CYP7B1: variants seen among roughly 807,000 people sequenced by gnomAD.
The protein encoded by CYP7B1 is cytochrome P450 7B1.
A neutral mutation model predicts 42.7 loss-of-function variants in CYP7B1; 29 were observed. The observed-to-expected ratio is 0.68, with a 90% confidence interval of 0.51 to 0.93. The LOEUF is 0.93. CYP7B1 is among the 40% of genes least tolerant of loss of function. CYP7B1 has a pLI of 0.00. For synonymous variants in CYP7B1, 235 were observed against 218.2 expected, an observed-to-expected ratio of 1.08 and a Z score of -0.68; for missense variants, 655 against 600.5, an observed-to-expected ratio of 1.09 and a Z score of -0.95.
chr8:64,676,926 C>T (rs770031452), intron 1 of CYP7B1, among the ~76,000 whole-genome samples: 8 of 152,052 alleles, frequency 5.3e-5, no homozygotes, highest in African/African-American at 1.2e-4. Flanking sequence ...TTTATTGACA[C>T]CCCTAAACAG....
chr8:64,761,520 C>A (rs1039162275), intron 1 of CYP7B1, among the ~76,000 whole-genome samples: 1 of 152,022 alleles, frequency 6.6e-6, no homozygotes, highest in Non-Finnish European at 1.5e-5. Context: ...AAAATGAACA[C>A]TCATTTCCTC....
chr8:64,643,619 G>T (rs1335692653), intron 1 of CYP7B1, among the ~76,000 whole-genome samples: 1 of 152,136 alleles, frequency 6.6e-6, no homozygotes, highest in Non-Finnish European at 1.5e-5. Flanking sequence ...TTTCATGAAA[G>T]ATTTCTCTGT....
At chr8:64,746,317 T>C (rs1430037162) in intron 1 of CYP7B1, among the ~76,000 whole-genome samples, 1 of 152,160 alleles carries the variant, frequency 6.6e-6, no homozygotes, top group Non-Finnish European at 1.5e-5. Flanking sequence ...TTAAGGTTAC[T>C]TTAAAAGGAA....
chr8:64,700,880 ACTATTTAGACAT>A (rs1458725098), intron 1 of CYP7B1, among the ~76,000 whole-genome samples: 1 of 152,024 alleles, frequency 6.6e-6, no homozygotes, highest in East Asian at 1.9e-4. Context: ...TGAAGCCACC[ACTATTTAGACAT>A]CAATATGCTC....
chr8:64,670,986 T>C (rs965815701), intron 1 of CYP7B1, among the ~76,000 whole-genome samples: 4 of 152,132 alleles, frequency 2.6e-5, no homozygotes, highest in Admixed American at 6.5e-5. Flanking sequence ...ACCTGGGTCA[T>C]AGACACAAGG....
chr8:64,673,868 A>G lies in CYP7B1; in HGVS notation c.123-49329T>C, dbSNP rs566794311. Among the ~76,000 whole-genome samples the G allele has an allele frequency of 2.0e-5, 3 of 152,248 alleles. No homozygotes were observed. In the East Asian group the frequency reaches 5.8e-4, roughly 29 times the overall value. On this transcript the variant is annotated intron_variant, in intron 1 of 5. Coordinates refer to ENST00000310193, the MANE Select transcript of CYP7B1 (RefSeq NM_004820.5). ...GACCTTTCAGAAAATAAATAGCCAC[A>G]GGTTTAAAGGATGAGAGATGAGTGA... is the stretch of plus-strand genomic sequence containing the variant.
At chr8:64,657,822 AAC>A (rs1464109006) in intron 1 of CYP7B1, among the ~76,000 whole-genome samples, 1 of 152,216 alleles carries the variant, frequency 6.6e-6, no homozygotes, top group Non-Finnish European at 1.5e-5. Flanking sequence ...TGACAAAAAT[AAC>A]AGTGTAAGCT....
rs142119758 is a variant in CYP7B1 at position 64,592,880 on chromosome 8, C to T, written c.*3762G>A. Among the ~76,000 whole-genome samples, 8 of 152,278 alleles carry T rather than the reference C, an allele frequency of 5.3e-5. No individual in the cohort carries two copies. The East Asian group carries it at 1.2e-3, about 22-fold the overall frequency. ...CATCTTTTAACTGATTTGTCCAGGA[C>T]ATGTTTTTCTATTTGTAAATACTAT... is the stretch of plus-strand genomic sequence containing the variant. On this transcript the variant is annotated 3_prime_UTR_variant, in exon 6 of 6. Coordinates refer to ENST00000310193, the MANE Select transcript of CYP7B1 (RefSeq NM_004820.5).
At chr8:64,604,054 T>C (rs1231652347) in intron 5 of CYP7B1, among the ~76,000 whole-genome samples, 1 of 152,134 alleles carries the variant, frequency 6.6e-6, no homozygotes, top group Non-Finnish European at 1.5e-5. Context: ...TGAACCAGGG[T>C]GGATTAATTT....
intron 1 of CYP7B1, among the ~76,000 whole-genome samples, chr8:64,677,547 T>C (rs1806467328): frequency 6.6e-6 from 1 of 151,116 alleles, no homozygotes; most frequent in Non-Finnish European, 1.5e-5. Context: ...TACCAGAACA[T>C]TCTCAAGCAA....
chr8:64,638,514 T>TC (rs1449301607), intron 1 of CYP7B1, among the ~76,000 whole-genome samples: 1 of 152,134 alleles, frequency 6.6e-6, no homozygotes, highest in Non-Finnish European at 1.5e-5. Context: ...GTTGCTGAAG[T>TC]CATTTGGAGT....
At chr8:64,733,890 A>G (rs1380038298) in intron 1 of CYP7B1, among the ~76,000 whole-genome samples, 1 of 152,092 alleles carries the variant, frequency 6.6e-6, no homozygotes, top group Non-Finnish European at 1.5e-5. Flanking sequence ...GGATTGCTTG[A>G]GCCCAGGAGT....
In CYP7B1 at chr8:64,760,653, T is replaced by A. The variant is rs146410804; in HGVS notation, c.122+37813A>T. ...TGCAAATCAAAACCATAATGAGATA[T>A]CACCTCACACTTGATAGGATGACTA... On this transcript the variant is annotated intron_variant, in intron 1 of 5. Coordinates refer to ENST00000310193, the MANE Select transcript of CYP7B1 (RefSeq NM_004820.5). Among the ~76,000 whole-genome samples the A allele has an allele frequency of 2.2e-3, 329 of 152,094 alleles. 1 individual carries two copies. Among genetic ancestry groups the A allele is most frequent in the African/African-American group, 7.4e-3 (307 of 41,520 alleles).
At chr8:64,705,176 G>A (rs570983630) in intron 1 of CYP7B1, among the ~76,000 whole-genome samples, 14 of 151,882 alleles carry the variant, frequency 9.2e-5, no homozygotes, top group Admixed American at 7.2e-4. Flanking sequence ...GATATGTTAG[G>A]GCGGTAAAAA....
At chr8:64,778,174 A>AAT (rs60859854) in intron 1 of CYP7B1, among the ~76,000 whole-genome samples, 39,501 of 133,010 alleles carry the variant, frequency 0.3, 6,981 homozygotes, top group Middle Eastern at 0.4. Flanking sequence ...ACTAGTTTGA[A>AAT]ATATATATAT....
At chr8:64,795,972 T>G (rs1563431633) in intron 1 of CYP7B1, among the ~76,000 whole-genome samples, 1 of 152,250 alleles carries the variant, frequency 6.6e-6, no homozygotes, top group Non-Finnish European at 1.5e-5. Flanking sequence ...GTTAAAAATT[T>G]TTTTACCATT....
At chr8:64,644,251 G>A (rs1480981705) in intron 1 of CYP7B1, among the ~76,000 whole-genome samples, 7 of 148,602 alleles carry the variant, frequency 4.7e-5, no homozygotes, top group South Asian at 2.1e-4. Flanking sequence ...CAGCCTGGGC[G>A]ACAGAGTGGG....
At chr8:64,756,576 C>T (rs1329136600) in intron 1 of CYP7B1, among the ~76,000 whole-genome samples, 2 of 152,180 alleles carry the variant, frequency 1.3e-5, no homozygotes. Flanking sequence ...ACAGAAAGAA[C>T]AAGGCACGGC....
chr8:64,716,688 CAG>C (rs775196637), intron 1 of CYP7B1, among the ~76,000 whole-genome samples: 18 of 152,314 alleles, frequency 1.2e-4, no homozygotes, highest in Non-Finnish European at 2.5e-4. Context: ...GCTCGGGCAA[CAG>C]AGAGAGACTC....
Sources: allele counts gnomAD v4.1 joint callset (sites outside exome capture counted in the v4.1 genomes callset), GRCh38; gene constraint gnomAD v4.1.1; transcripts MANE v1.5; gene names NCBI Gene and HGNC (gene_info 2026-07-23, HGNC 2026-07-21).